The following TBX5 variants were observed in gnomAD, a reference collection of about 807,000 sequenced individuals.
TBX5 encodes T-box transcription factor TBX5.
Under a neutral mutation model 51.1 loss-of-function variants are expected in TBX5, and 8 were observed. The observed-to-expected ratio is 0.16, with a 90% CI of 0.09 to 0.28. The LOEUF (loss-of-function observed/expected upper bound fraction) is 0.28. Ranked by LOEUF, TBX5 falls within the 10% of genes least tolerant of loss-of-function variation. TBX5 has a pLI of 1.00. For synonymous variants in TBX5, 302 were observed against 266.4 expected (o/e 1.13, Z -1.30); for missense variants, 589 against 671.7 (o/e 0.88, Z 1.36).
intron 7 of TBX5, among the ~76,000 whole-genome samples, chr12:114,383,589 TAAAG>T (rs1008146928): frequency 1.3e-5 from 2 of 152,098 alleles, no homozygotes; most frequent in African/African-American, 4.8e-5. Context: ...GGTGGCTGCC[TAAAG>T]AAAGTCCCTG....
At chr12:114,382,518 G>A (rs941241093) in intron 7 of TBX5, among the ~76,000 whole-genome samples, 2 of 152,076 alleles carry the variant, frequency 1.3e-5, no homozygotes, top group African/African-American at 4.8e-5. Flanking sequence ...ACAAATTTAG[G>A]CTAGGCGTGG....
chr12:114,396,226 G>C (rs1871416835), intron 5 of TBX5, among the ~76,000 whole-genome samples: 1 of 151,806 alleles, frequency 6.6e-6, no homozygotes, highest in Admixed American at 6.6e-5. Flanking sequence ...CTAATCTCCG[G>C]CCGCCGTGGC....
intron 8 of TBX5, among the ~76,000 whole-genome samples, chr12:114,359,555 T>C (rs2136364676): frequency 6.6e-6 from 1 of 152,360 alleles, no homozygotes; most frequent in South Asian, 2.1e-4. Context: ...GCAACTATCC[T>C]AAACCGAAAT....
chr12:114,353,978 T>C lies in TBX5; in HGVS notation c.*1554A>G, dbSNP rs1868723113. On this transcript the variant is annotated 3_prime_UTR_variant, in exon 9 of 9. Transcript: ENST00000405440. ...TATTAGGCATTAATTGGCACACAAATATAAGGCACGAGTACTTAATCCTCA... is the reference window on the plus strand; with the variant it reads ...TATTAGGCATTAATTGGCACACAAACATAAGGCACGAGTACTTAATCCTCA... 6.6e-6 allele frequency: 1 copy of C among 152,490 alleles called. No individual in the cohort carries two copies. Among genetic ancestry groups the C allele is most frequent in the Non-Finnish European group, 1.5e-5 (1 of 68,012 alleles). The allele number at this position is 152,490 out of a possible 1,614,324, so 9.4% of individuals were successfully genotyped here. A position where few individuals can be genotyped will look rare whatever the true frequency, so the allele number is the denominator to read the frequency against.
At chr12:114,405,438 A>G (rs558730009) in intron 1 of TBX5, among the ~76,000 whole-genome samples, 190 bp downstream of exon 1, 1 of 152,196 alleles carries the variant, frequency 6.6e-6, no homozygotes, top group South Asian at 2.1e-4. Flanking sequence ...GCAAACCTCA[A>G]TGCCGCTCCG....
intron 8 of TBX5, among the ~76,000 whole-genome samples, chr12:114,356,583 AATT>A (rs1478200535): frequency 6.6e-6 from 1 of 152,106 alleles, no homozygotes; most frequent in African/African-American, 2.4e-5. Context: ...AATAAATAGC[AATT>A]ATTATTATCT....
At position 114,354,813 on chromosome 12, in the gene TBX5, G is replaced by C. The variant is rs1868781851; in HGVS notation, c.*719C>G. 6.5e-6 allele frequency: 1 copy of C among 153,072 alleles called. No individual in the cohort carries two copies. The highest frequency in any genetic ancestry group is 1.5e-5 in the Non-Finnish European group (1 of 68,440). 9.5% of individuals were successfully genotyped at this position (153,072 alleles called of 1,614,324 possible). A position where few individuals can be genotyped will look rare whatever the true frequency, so the allele number is the denominator to read the frequency against. On this transcript the variant is annotated 3_prime_UTR_variant, in exon 9 of 9. Coordinates refer to ENST00000405440, the MANE Select transcript of TBX5 (RefSeq NM_181486.4). Reference sequence around the variant, plus strand: ...GCTGAATAAGATAGGATGCCAGGGAGCGTCAGTGTTATCCTGACTCCATGG... The same window carrying C: ...GCTGAATAAGATAGGATGCCAGGGACCGTCAGTGTTATCCTGACTCCATGG...
intron 3 of TBX5, among the ~76,000 whole-genome samples, chr12:114,400,907 C>A (rs961280130): frequency 2.0e-5 from 3 of 152,096 alleles, no homozygotes; most frequent in African/African-American, 7.2e-5. Flanking sequence ...GGGCGGGGGG[C>A]GTCTGGAAAG....
Position 114,405,785 on chromosome 12 carries a change from A to G in TBX5, c.-196T>C, listed in dbSNP as rs1872178140. Reference sequence around the variant, plus strand: ...TACTGCTGCCTACTAGGGCGCACCTACCGCTGGAGCCTCCGCGGCGACTGC... The same window carrying G: ...TACTGCTGCCTACTAGGGCGCACCTGCCGCTGGAGCCTCCGCGGCGACTGC... On this transcript the variant is annotated 5_prime_UTR_variant, in exon 1 of 9. Transcript: ENST00000405440. 7.1e-6 allele frequency: 7 copies of G among 985,446 alleles called. No individual in the cohort carries two copies. Among genetic ancestry groups the G allele is most frequent in the Non-Finnish European group, 7.2e-6 (6 of 830,020 alleles). 61.0% of individuals were successfully genotyped at this position (985,446 alleles called of 1,614,324 possible).
intron 7 of TBX5, among the ~76,000 whole-genome samples, chr12:114,385,104 C>CA (rs4007268): frequency 0.39 from 55,158 of 141,694 alleles, 10,954 homozygotes; most frequent in Admixed American, 0.56. Flanking sequence ...GAGCTGTTGC[C>CA]AAAAAAAAAA....
intron 7 of TBX5, among the ~76,000 whole-genome samples, chr12:114,370,545 G>C (rs539916189): frequency 6.6e-6 from 1 of 151,938 alleles, no homozygotes; most frequent in Non-Finnish European, 1.5e-5. Context: ...GGTCAGTTTC[G>C]GGTGATGCCT....
chr12:114,403,990 G>C (rs1037608425), intron 1 of TBX5, 54 bp from the exon 2 acceptor site: 4 of 1,545,228 alleles, frequency 2.6e-6, no homozygotes, highest in African/African-American at 2.7e-5. Context: ...GAGAGAACGA[G>C]AGAAAGGTTG....
chr12:114,371,943 T>C (rs964186865), intron 7 of TBX5, among the ~76,000 whole-genome samples: 1 of 152,092 alleles, frequency 6.6e-6, no homozygotes, highest in Admixed American at 6.5e-5. Flanking sequence ...AAGTGCTTAC[T>C]CAGTTTACAC....
At chr12:114,394,218 G>A (rs1333261498) in intron 6 of TBX5, among the ~76,000 whole-genome samples, 2 of 152,200 alleles carry the variant, frequency 1.3e-5, no homozygotes, top group African/African-American at 4.8e-5. Flanking sequence ...CAGAGGCTGA[G>A]GCAAGAGGAT....
In TBX5 at chr12:114,355,919, C is replaced by T. The variant is rs1868873754; in HGVS notation, c.1170G>A (p.Val390=). 1 of 1,613,680 alleles carries T rather than the reference C, an allele frequency of 6.2e-7. No homozygotes were observed. The highest frequency in any genetic ancestry group is 1.1e-5 in the South Asian group (1 of 91,088). The change falls in exon 9 of 9, where the codon GTG becomes GTA. Residue 390 remains valine (V), a synonymous_variant. Coordinates refer to ENST00000405440, the MANE Select transcript of TBX5 (RefSeq NM_181486.4). ...YASSAPPSEP[V]PSLEDISCNT... ...TGCAGCTGATGTCCTCTAGGCTGGG[C>T]ACAGGCTCGCTGGGGGGCGCAGAGC...
rs944423586 is a variant in TBX5 at position 114,356,079 on chromosome 12, G to T, written c.1010C>A (p.Pro337His). 25 of 1,613,052 alleles carry T rather than the reference G, an allele frequency of 1.5e-5. No homozygotes were observed. The highest frequency in any genetic ancestry group is 2.2e-5 in the East Asian group (1 of 44,860). Residue 337 changes from proline to histidine, a missense_variant, in exon 9 of 9, where the codon CCC (proline) becomes CAC (histidine). This residue lies in a region of TBX5 where 348 missense variants were observed against 360.4 expected (regional missense o/e 0.97). Coordinates refer to ENST00000405440, the MANE Select transcript of TBX5 (RefSeq NM_181486.4). ...KEEECSTTDH[P>H]YKKPYMETSP... ...TGTCTCCATGTAGGGCTTCTTATAG[G>T]GATGGTCTGTGGTGGAACATTCTTC...
upstream of TBX5, among the ~76,000 whole-genome samples, chr12:114,406,493 G>A (rs1872234173): frequency 6.6e-6 from 1 of 152,146 alleles, no homozygotes; most frequent in South Asian, 2.1e-4. Flanking sequence ...GGCCTCCGCA[G>A]CCTTGCAGAC....
At chr12:114,382,914 C>T (rs377198425) in intron 7 of TBX5, among the ~76,000 whole-genome samples, 1 of 147,098 alleles carries the variant, frequency 6.8e-6, no homozygotes, top group South Asian at 2.2e-4. Context: ...GATGTCAGGG[C>T]TGCAGAGACC....
At chr12:114,399,844 A>C (rs1000282063) in intron 3 of TBX5, among the ~76,000 whole-genome samples, 1 of 152,190 alleles carries the variant, frequency 6.6e-6, no homozygotes, top group Admixed American at 6.5e-5. Flanking sequence ...CAGGCGGGCA[A>C]CTGTAGGTAA....
Sources: allele counts gnomAD v4.1 joint callset (sites outside exome capture counted in the v4.1 genomes callset), GRCh38; gene constraint gnomAD v4.1.1; regional missense constraint gnomAD v4.1.1; transcripts MANE v1.5; gene names NCBI Gene and HGNC (gene_info 2026-07-23, HGNC 2026-07-21).